TRPV3: variants seen among roughly 807,000 people sequenced by gnomAD.
The protein encoded by TRPV3 is transient receptor potential cation channel subfamily V member 3.
TRPV3 carries 88 observed loss-of-function variants against 87.1 expected under a neutral mutation model. The observed-to-expected ratio is 1.01, with a 90% CI of 0.85 to 1.21. The LOEUF is 1.21. TRPV3 is among the 50% of genes most tolerant of loss of function. TRPV3 has a pLI of 0.00. For synonymous variants in TRPV3, 438 were observed against 423.3 expected (o/e 1.03, Z -0.43); for missense variants, 1,054 against 1,030.1 (o/e 1.02, Z -0.32).
Position 3,535,598 on chromosome 17 carries a change from C to G in TRPV3, c.759G>C (p.Lys253Asn). ...CGAAGTAGAAGCCTTCGTGTTGGTACTTGGGGTTGAAGAAGGCCCCCTTGG... is the reference window on the plus strand; with the variant it reads ...CGAAGTAGAAGCCTTCGTGTTGGTAGTTGGGGTTGAAGAAGGCCCCCTTGG... ...AHAKGAFFNP[K>N]YQHEGFYFGE... Residue 253 changes from lysine (K) to asparagine (N), a missense_variant, in exon 7 of 18, where the codon AAG becomes AAC. Lys to Asn is a moderately conservative substitution (Grantham distance 94, BLOSUM62 0). Coordinates refer to ENST00000576742, the MANE Select transcript of TRPV3 (RefSeq NM_145068.4). 6.2e-7 allele frequency: 1 copy of G among 1,608,720 alleles called. No homozygotes were observed. Among genetic ancestry groups the G allele is most frequent in the African/African-American group, 1.3e-5 (1 of 74,408 alleles).
At chr17:3,546,431 GA>G (rs2074526616) in intron 2 of TRPV3, among the ~76,000 whole-genome samples, 1 of 134,766 alleles carries the variant, frequency 7.4e-6, no homozygotes, top group Non-Finnish European at 1.7e-5. Context: ...GACAGAGCGA[GA>G]CTCTATCTCA....
Position 3,518,271 on chromosome 17 carries a change from C to A in TRPV3, c.2085+305G>T, listed in dbSNP as rs370474455. On this transcript the variant is annotated intron_variant, in intron 15 of 17. Transcript: ENST00000576742. This position sits in a 1 kb window ranked among gnomAD's most constrained non-coding sequence, Gnocchi z 4.3. ...GAACTGTCACCTCCACTGTCCTAGA[C>A]GCTGTACTCCTCTTAATGCAACCTA... 6.6e-6 allele frequency among the ~76,000 whole-genome samples: 1 copy of A among 152,174 alleles called. No homozygotes were observed. Among genetic ancestry groups the A allele is most frequent in the Non-Finnish European group, 1.5e-5 (1 of 68,030 alleles).
At chr17:3,546,347 C>T (rs1168800078) in intron 2 of TRPV3, among the ~76,000 whole-genome samples, 2 of 151,972 alleles carry the variant, frequency 1.3e-5, no homozygotes, top group Non-Finnish European at 2.9e-5. Context: ...GAGGCTGAGG[C>T]AGGAAAAGTG....
At chr17:3,523,667 G>A (rs759817589) in intron 13 of TRPV3, among the ~76,000 whole-genome samples, 6 of 148,228 alleles carry the variant, frequency 4.0e-5, no homozygotes, top group African/African-American at 7.5e-5. Context: ...GCAGGGAGCC[G>A]AGATCGCACC....
chr17:3,545,397 A>G (rs1413517115), intron 2 of TRPV3, 126 bp from the exon 3 acceptor site: 3 of 640,110 alleles, frequency 4.7e-6, no homozygotes, highest in East Asian at 5.7e-5. Context: ...CTGAGCCCAA[A>G]TGGCCTTGCC....
At position 3,549,876 on chromosome 17, in the gene TRPV3, T is replaced by G. The variant is rs117962887; in HGVS notation, c.120-4605A>C. ...TGAATAAATGACAGATATATGTATG[T>G]ATGGATGGATGGATGGAGGATGGGA... is the stretch of plus-strand genomic sequence containing the variant. On this transcript the variant is annotated intron_variant, in intron 2 of 17. Transcript: ENST00000576742. 4.1e-3 allele frequency among the ~76,000 whole-genome samples: 590 copies of G among 144,114 alleles called. 5 individuals carry two copies. In the East Asian group the frequency reaches 0.044, roughly 11 times the overall value. The allele number at this position is 144,114 out of a possible 152,430, so 94.5% of individuals were successfully genotyped here. A position where few individuals can be genotyped will look rare whatever the true frequency, so the allele number is the denominator to read the frequency against.
chr17:3,528,228 C>A lies in TRPV3; in HGVS notation c.1402-102G>T. 1 of 807,354 alleles carries A rather than the reference C, an allele frequency of 1.2e-6. No homozygotes were observed. The highest frequency in any genetic ancestry group is 1.9e-6 in the Non-Finnish European group (1 of 514,842). 50.0% of individuals were successfully genotyped at this position (807,354 alleles called of 1,614,324 possible). On this transcript the variant is annotated intron_variant, in intron 10 of 17. Transcript: ENST00000576742. The surrounding 1 kb of genome is among the most constrained non-coding windows in gnomAD (Gnocchi z 4.2). ...ACCCAGGTGAAACACTCAAGCCGGG[C>A]CAGAGACCAGCATGAAACCTGATCT... is the stretch of plus-strand genomic sequence containing the variant.
chr17:3,535,179 C>CCCT (rs1555545106), intron 7 of TRPV3, among the ~76,000 whole-genome samples: 1 of 121,208 alleles, frequency 8.3e-6, no homozygotes, highest in African/African-American at 3.4e-5. Context: ...CCTCCTTCCT[C>CCCT]CTCCCTTCCT....
In TRPV3 at chr17:3,529,145, T is replaced by C; in HGVS notation, c.1243-150A>G. ...GGTCTGGTTGGAAATGCTGGGAGGG[T>C]GATTTCCGGCTCCTGAGGCTCCTCC... On this transcript the variant is annotated intron_variant, in intron 9 of 17. Coordinates refer to ENST00000576742, the MANE Select transcript of TRPV3 (RefSeq NM_145068.4). The C allele has an allele frequency of 1.1e-5, 10 of 941,714 alleles. No individual in the cohort carries two copies. The South Asian group carries it at 1.1e-4, about 11-fold the overall frequency. The allele number at this position is 941,714 out of a possible 1,614,324, so 58.3% of individuals were successfully genotyped here. A position where few individuals can be genotyped will look rare whatever the true frequency, so the allele number is the denominator to read the frequency against.
At chr17:3,533,269 A>G (rs1405536390) in intron 7 of TRPV3, among the ~76,000 whole-genome samples, 1 of 149,652 alleles carries the variant, frequency 6.7e-6, no homozygotes, top group Admixed American at 6.7e-5. Flanking sequence ...TCCATCACTC[A>G]CTCCCTCCTG....
rs767045277 is a variant in TRPV3, at chr17:3,542,549, C to A, written c.616G>T (p.Ala206Ser). 6.2e-7 allele frequency: 1 copy of A among 1,613,998 alleles called. No homozygotes were observed. Among genetic ancestry groups the A allele is most frequent in the Admixed American group, 1.7e-5 (1 of 60,020 alleles). ...TCATAGGCCTCCTCTGTGTACTCGG[C>A]GTTGATGAACCTGCCCAGGATGTCG... ...ENDILGRFIN[A>S]EYTEEAYEGQ... is the part of the protein sequence containing the mutation. The change falls in exon 6 of 18, where the codon GCC (alanine) becomes TCC (serine). Residue 206 changes from alanine to serine, a missense_variant. Transcript: ENST00000576742.
At chr17:3,515,957 T>G (rs1232140793) in intron 16 of TRPV3, among the ~76,000 whole-genome samples, 32 of 151,634 alleles carry the variant, frequency 2.1e-4, no homozygotes, top group African/African-American at 6.8e-4. Context: ...GAGGCCAAGG[T>G]GGGTGGATCA....
intron 13 of TRPV3, among the ~76,000 whole-genome samples, chr17:3,523,072 CAG>C (rs1336496769): frequency 6.6e-6 from 1 of 152,050 alleles, no homozygotes; most frequent in Non-Finnish European, 1.5e-5. Context: ...TGCCACAAAT[CAG>C]AGATTGATTG....
At chr17:3,519,602 C>CTGGATGGA (rs60629683) in intron 14 of TRPV3, among the ~76,000 whole-genome samples, 4,143 of 93,456 alleles carry the variant, frequency 0.044, 478 homozygotes, top group African/African-American at 0.18. Context: ...GGATGGATGA[C>CTGGATGGA]TGGATGGATG....
At chr17:3,514,749 G>A (rs778178091) in intron 16 of TRPV3, 77 bp from the exon 17 acceptor site, 53 of 1,131,756 alleles carry the variant, frequency 4.7e-5, no homozygotes, top group East Asian at 7.1e-5. Context: ...CGTTTGGGAC[G>A]TCCTGGTGTC....
intron 15 of TRPV3, among the ~76,000 whole-genome samples, chr17:3,517,440 G>A (rs892919826): frequency 5.9e-5 from 9 of 151,726 alleles, no homozygotes; most frequent in African/African-American, 2.2e-4. Flanking sequence ...GCAACATGGT[G>A]AAACCCCATC....
rs1382988192 is a variant in TRPV3 at position 3,517,350 on chromosome 17, G to T, written c.2086-781C>A. Among the ~76,000 whole-genome samples the T allele has an allele frequency of 2.0e-5, 3 of 152,022 alleles. No homozygotes were observed. The East Asian group carries it at 5.8e-4, about 30-fold the overall frequency. ...AAGAGGGCCTTGGACAGGCGCAGTG[G>T]CTCACACCTGTAATCCCAGCACTTT... On this transcript the variant is annotated intron_variant, in intron 15 of 17. Transcript: ENST00000576742.
Position 3,556,171 on chromosome 17 carries a change from C to T in TRPV3, c.-2-1319G>A, listed in dbSNP as rs1179593472. Among the ~76,000 whole-genome samples the T allele has an allele frequency of 8.6e-5, 12 of 139,312 alleles. No individual in the cohort carries two copies. The highest frequency in any genetic ancestry group is 2.3e-4 in the Admixed American group (3 of 12,940). 91.4% of individuals were successfully genotyped at this position (139,312 alleles called of 152,430 possible). ...CAGCCTGGGCGACAGAGCGAGACTC[C>T]GTCTCAAAAAAAATGAAAAAAAAAA... On this transcript the variant is annotated intron_variant, in intron 1 of 17. Transcript: ENST00000576742. The surrounding 1 kb of genome is among the most constrained non-coding windows in gnomAD (Gnocchi z 4.2).
At position 3,524,432 on chromosome 17, in the gene TRPV3, C is replaced by T. The variant is rs547259436; in HGVS notation, c.1578-69G>A. ...GCATCAGGGCAAAGATATGCAAATC[C>T]CCCAAACCTCCCTTAAACCCCCTGA... On this transcript the variant is annotated intron_variant, in intron 12 of 17. Transcript: ENST00000576742. 16 of 1,578,658 alleles carry T rather than the reference C, an allele frequency of 1.0e-5. No individual in the cohort carries two copies. The South Asian group carries it at 1.8e-4, about 17-fold the overall frequency.
Sources: allele counts gnomAD v4.1 joint callset (sites outside exome capture counted in the v4.1 genomes callset), GRCh38; gene constraint gnomAD v4.1.1; non-coding constraint Gnocchi (gnomAD v3.1); transcripts MANE v1.5; gene names NCBI Gene and HGNC (gene_info 2026-07-23, HGNC 2026-07-21).